Variants in ZC3H12B observed in about 807,000 individuals in gnomAD.
ZC3H12B encodes probable ribonuclease ZC3H12B.
Under a neutral mutation model 43.9 loss-of-function variants are expected in ZC3H12B, and 7 were observed. The observed-to-expected ratio is 0.16, with a 90% CI of 0.09 to 0.30. The LOEUF is 0.30. ZC3H12B is among the 10% of genes least tolerant of loss of function. The pLI is 1.00. For synonymous variants in ZC3H12B, 222 were observed against 241.7 expected (o/e 0.92, Z 0.76); for missense variants, 475 against 670.2 (o/e 0.71, Z 3.22).
chrX:65,453,957 G>C (rs2067563069), intron 3 of ZC3H12B, among the ~76,000 whole-genome samples: 1 of 111,874 alleles, frequency 8.9e-6, no homozygotes, highest in East Asian at 2.8e-4. Flanking sequence ...CTACACATTG[G>C]GTACAGTGTA....
chrX:65,058,652 C>T, the ZC3H12B span, among the ~76,000 whole-genome samples: 9 of 112,123 alleles, frequency 8.0e-5, no homozygotes, highest in East Asian at 2.8e-4. Flanking sequence ...GCCTTTTGTT[C>T]GGCTGTGCCC....
chrX:65,341,895 C>T, the ZC3H12B span, among the ~76,000 whole-genome samples: 1 of 110,957 alleles, frequency 9.0e-6, no homozygotes, highest in African/African-American at 3.3e-5. Flanking sequence ...AAGATAAATT[C>T]CCCAATTAAA....
At chrX:65,153,433 A>G in the ZC3H12B span, among the ~76,000 whole-genome samples, 65 of 112,451 alleles carry the variant, frequency 5.8e-4, no homozygotes, top group African/African-American at 2.0e-3. Flanking sequence ...ATGAACAGAC[A>G]TTTCTCAAAA....
chrX:65,036,706 A>T, the ZC3H12B span, among the ~76,000 whole-genome samples: 2 of 107,263 alleles, frequency 1.9e-5, no homozygotes, highest in East Asian at 2.9e-4. Context: ...TCCAAAGGTA[A>T]TTTTTTTTTT....
At chrX:65,415,124 A>G (rs2066945290) in intron 3 of ZC3H12B, among the ~76,000 whole-genome samples, 1 of 112,662 alleles carries the variant, frequency 8.9e-6, no homozygotes, top group African/African-American at 3.2e-5. Flanking sequence ...GGTGGATTCA[A>G]ATATTTTTCT....
chrX:65,412,536 C>G (rs750285445), intron 3 of ZC3H12B, among the ~76,000 whole-genome samples: 5 of 111,866 alleles, frequency 4.5e-5, no homozygotes, highest in African/African-American at 1.6e-4. Flanking sequence ...GGCACAATCA[C>G]AGCTCACTGC....
the ZC3H12B span, among the ~76,000 whole-genome samples, chrX:65,061,146 T>C: frequency 8.9e-6 from 1 of 111,865 alleles, no homozygotes; most frequent in Non-Finnish European, 1.9e-5. Context: ...ATTTTTATTC[T>C]TATTTTTATT....
chrX:65,169,840 G>A, the ZC3H12B span, among the ~76,000 whole-genome samples: 1 of 111,664 alleles, frequency 9.0e-6, no homozygotes, highest in African/African-American at 3.3e-5. Flanking sequence ...TGTTTCATCA[G>A]AGACTAGCAT....
the ZC3H12B span, among the ~76,000 whole-genome samples, chrX:65,054,744 G>C: frequency 2.7e-5 from 3 of 111,119 alleles, no homozygotes; most frequent in Non-Finnish European, 3.8e-5. Context: ...CCATTTTTTT[G>C]TATCCTCTTT....
chrX:65,502,112 C>T, exon 5 of ZC3H12B: 2 of 1,210,079 alleles, frequency 1.7e-6, no homozygotes, highest in Non-Finnish European at 1.1e-6. Context: ...CCTAAGTGTT[C>T]CCACAATCCC....
chrX:65,363,621 C>T (rs1227104938), upstream of ZC3H12B, among the ~76,000 whole-genome samples: 1 of 111,715 alleles, frequency 9.0e-6, no homozygotes, highest in African/African-American at 3.3e-5. Flanking sequence ...CATCCCAACC[C>T]TTTTCATTAC....
chrX:65,452,610 G>A (rs959379052), intron 3 of ZC3H12B, among the ~76,000 whole-genome samples: 7 of 111,806 alleles, frequency 6.3e-5, no homozygotes, highest in Admixed American at 1.9e-4. Context: ...GGAGGCCGAG[G>A]TGGGTGGATC....
chrX:65,311,079 G>A, the ZC3H12B span, among the ~76,000 whole-genome samples: 1 of 111,995 alleles, frequency 8.9e-6, no homozygotes, highest in Non-Finnish European at 1.9e-5. Flanking sequence ...TCAGGACATA[G>A]GCATGGGCAA....
chrX:65,328,378 T>A, the ZC3H12B span: 1 of 238,070 alleles, frequency 4.2e-6, no homozygotes, highest in Admixed American at 4.7e-5. Context: ...TCCTTTATAA[T>A]GAAACCCACA....
chrX:65,080,969 G>C, the ZC3H12B span, among the ~76,000 whole-genome samples: 1 of 108,195 alleles, frequency 9.2e-6, no homozygotes, highest in Admixed American at 9.9e-5. Context: ...ACAGTAAAAA[G>C]TTAAAAAGCA....
intron 3 of ZC3H12B, among the ~76,000 whole-genome samples, chrX:65,426,546 C>A (rs372842949): frequency 9.1e-6 from 1 of 110,063 alleles, no homozygotes; most frequent in African/African-American, 3.3e-5. Context: ...TTCTCTAGTT[C>A]TTTTAATTGA....
intron 3 of ZC3H12B, among the ~76,000 whole-genome samples, chrX:65,460,109 T>C (rs1369400538): frequency 9.0e-6 from 1 of 111,727 alleles, no homozygotes; most frequent in Non-Finnish European, 1.9e-5. Flanking sequence ...CCATTCATAA[T>C]TGCTTCAAAG....
At chrX:65,053,677 C>T in the ZC3H12B span, among the ~76,000 whole-genome samples, 5 of 111,332 alleles carry the variant, frequency 4.5e-5, no homozygotes, top group Non-Finnish European at 7.5e-5. Flanking sequence ...CCTGAGGAAT[C>T]GCCACACTGA....
intron 3 of ZC3H12B, among the ~76,000 whole-genome samples, chrX:65,411,336 A>G (rs2066900535): frequency 8.9e-6 from 1 of 112,319 alleles, no homozygotes; most frequent in Non-Finnish European, 1.9e-5. Context: ...GGCTATGAAA[A>G]TATAGTTAGA....
Sources: gnomAD v4.1 joint callset for allele counts (sites outside exome capture counted in the v4.1 genomes callset) on GRCh38, gnomAD v4.1.1 for gene constraint, MANE v1.5 for transcripts, NCBI Gene and HGNC (gene_info 2026-07-23, HGNC 2026-07-21) for gene names.